Variants in PTPRN2 observed in about 807,000 individuals in gnomAD.
PTPRN2 encodes protein tyrosine phosphatase receptor type N2.
In PTPRN2, 74 loss-of-function variants were observed where a neutral mutation model predicts 118.8. The observed-to-expected ratio is 0.62, with a 90% CI of 0.52 to 0.76. The LOEUF (loss-of-function observed/expected upper bound fraction) is 0.76. Among genes scored for constraint, PTPRN2 ranks in the 30% least tolerant of loss-of-function variants. The pLI, the probability that PTPRN2 is intolerant of heterozygous loss-of-function variation, is 0.00. For missense variants in PTPRN2, 1,481 were observed against 1,394.4 expected, an observed-to-expected ratio of 1.06 and a Z score of -0.99; for synonymous variants, 641 against 608.0, an observed-to-expected ratio of 1.05 and a Z score of -0.80.
chr7:158,088,129 G>A (rs374125736), intron 10 of PTPRN2, among the ~76,000 whole-genome samples: 84 of 31,922 alleles, frequency 2.6e-3, no homozygotes, highest in South Asian at 6.7e-3. Flanking sequence ...CTGAGGAAAG[G>A]GGGAGTCTTC....
In PTPRN2 at chr7:158,570,451, G is replaced by T. The variant is rs1376439323; in HGVS notation, c.112+17107C>A. 3.3e-5 allele frequency among the ~76,000 whole-genome samples: 5 copies of T among 152,196 alleles called. No homozygotes were observed. Among genetic ancestry groups the T allele is most frequent in the African/African-American group, 7.2e-5 (3 of 41,452 alleles). The stretch of plus-strand genomic sequence containing the variant: ...CCCTCTCCCACCATCCATCCTCACA[G>T]ACGGACTCTGCACCGTGAGAAAGCG... On this transcript the variant is annotated intron_variant, in intron 1 of 22. Transcript: ENST00000389418. The surrounding 1 kb of genome is among the most constrained non-coding windows in gnomAD (Gnocchi z 4.5).
chr7:158,016,335 C>T (rs1041847828), intron 11 of PTPRN2, among the ~76,000 whole-genome samples: 5 of 152,172 alleles, frequency 3.3e-5, no homozygotes, highest in African/African-American at 1.2e-4. Flanking sequence ...CCCGCCGGGC[C>T]CACAGCACAG....
At chr7:158,085,524 T>C (rs1281978073) in intron 10 of PTPRN2, among the ~76,000 whole-genome samples, 2 of 91,076 alleles carry the variant, frequency 2.2e-5, no homozygotes, top group African/African-American at 4.7e-5. Context: ...TCCACACAGA[T>C]GCCCATCCAC....
At chr7:158,155,497 C>T (rs1021637292) in intron 6 of PTPRN2, among the ~76,000 whole-genome samples, 160 of 151,844 alleles carry the variant, frequency 1.1e-3, no homozygotes, top group Non-Finnish European at 2.0e-3. Context: ...TCACCATCAC[C>T]ATCATCACCA....
At chr7:158,253,214 A>T (rs938898885) in intron 3 of PTPRN2, among the ~76,000 whole-genome samples, 1 of 152,322 alleles carries the variant, frequency 6.6e-6, no homozygotes, top group African/African-American at 2.4e-5. Context: ...CTCATTTTCC[A>T]GGCGACTGAG....
intron 11 of PTPRN2, among the ~76,000 whole-genome samples, chr7:158,026,789 T>C (rs1807307789): frequency 1.3e-5 from 2 of 152,104 alleles, no homozygotes; most frequent in African/African-American, 4.8e-5. Context: ...GCCCTCCACG[T>C]ATACCGTGAC....
Position 158,541,831 on chromosome 7 carries a change from C to A in PTPRN2, c.112+45727G>T, listed in dbSNP as rs1216245664. ...CTGGGGAAGCTGAGAGACTGCAGAG[C>A]ACCACGCATGCGCATCACACCTGCT... On this transcript the variant is annotated intron_variant, in intron 1 of 22. Transcript: ENST00000389418. The A allele has an allele frequency of 1.4e-5, 10 of 736,544 alleles. No individual in the cohort carries two copies. In the Admixed American group the frequency reaches 6.3e-4, roughly 46 times the overall value. 45.6% of individuals were successfully genotyped at this position (736,544 alleles called of 1,614,324 possible).
At chr7:158,057,339 C>T (rs112172845) in intron 11 of PTPRN2, among the ~76,000 whole-genome samples, 13 of 152,306 alleles carry the variant, frequency 8.5e-5, no homozygotes, top group South Asian at 2.1e-4. Context: ...CTGCTAGAAT[C>T]GTCAAACTTG....
intron 10 of PTPRN2, among the ~76,000 whole-genome samples, chr7:158,109,405 C>T (rs1816003695): frequency 6.6e-6 from 1 of 150,572 alleles, no homozygotes; most frequent in East Asian, 2.0e-4. Context: ...GAGTGAATGA[C>T]ATCACCCCTG....
chr7:158,300,591 G>GCCCGCCACCCAGTCCCGCAGCGCCTCA (rs1800824159), intron 3 of PTPRN2, among the ~76,000 whole-genome samples: 6 of 152,220 alleles, frequency 3.9e-5, no homozygotes, highest in Non-Finnish European at 7.3e-5. Flanking sequence ...GCAGCGCCTC[G>GCCCGCCACCCAGTCCCGCAGCGCCTCA]CCCCCCACGT....
rs1054470739 is a variant in PTPRN2, at chr7:157,550,781, G to A, written c.2903-1762C>T. Among the ~76,000 whole-genome samples the A allele has an allele frequency of 6.6e-6, 1 of 152,228 alleles. No homozygotes were observed. Among genetic ancestry groups the A allele is most frequent in the African/African-American group, 2.4e-5 (1 of 41,456 alleles). ...CGGCAGCCCGTGAGCTCGGCCACCA[G>A]GGAACTAGCTGGCAGCTCACGCGGG... On this transcript the variant is annotated intron_variant, in intron 21 of 22. Transcript: ENST00000389418. This position sits in a 1 kb window ranked among gnomAD's most constrained non-coding sequence, Gnocchi z 5.2.
chr7:157,720,528 G>C (rs1405688670), intron 12 of PTPRN2, among the ~76,000 whole-genome samples: 1 of 152,232 alleles, frequency 6.6e-6, no homozygotes, highest in African/African-American at 2.4e-5. Context: ...CTGCTTCCCT[G>C]CGTAGGAGGC....
At chr7:158,224,051 C>G (rs986324111) in intron 3 of PTPRN2, among the ~76,000 whole-genome samples, 3 of 152,112 alleles carry the variant, frequency 2.0e-5, no homozygotes, top group African/African-American at 4.8e-5. Flanking sequence ...GTAAATTTAA[C>G]AAACCACGTA....
At chr7:158,276,924 C>T (rs1395973629) in intron 3 of PTPRN2, among the ~76,000 whole-genome samples, 6 of 152,122 alleles carry the variant, frequency 3.9e-5, no homozygotes, top group Admixed American at 3.9e-4. Flanking sequence ...TGTCTATCAG[C>T]TCTGGAGGGA....
chr7:158,163,560 G>T (rs529116032), intron 6 of PTPRN2, among the ~76,000 whole-genome samples: 4 of 150,334 alleles, frequency 2.7e-5, no homozygotes, highest in Non-Finnish European at 5.9e-5. Context: ...CATAGGTGAC[G>T]CCTGTACGGG....
intron 2 of PTPRN2, among the ~76,000 whole-genome samples, chr7:158,415,844 G>C (rs1347062346): frequency 6.6e-6 from 1 of 152,200 alleles, no homozygotes; most frequent in East Asian, 1.9e-4. Context: ...AGGGACTTCA[G>C]AGTAGTTCAT....
chr7:158,541,368 T>C, intron 1 of PTPRN2: 1 of 1,242,046 alleles, frequency 8.1e-7, no homozygotes, highest in Non-Finnish European at 1.1e-6. Context: ...CCTAACTTGT[T>C]GTTTTCTAAA....
chr7:158,038,575 T>G (rs1309042043), intron 11 of PTPRN2, among the ~76,000 whole-genome samples: 1 of 151,700 alleles, frequency 6.6e-6, no homozygotes, highest in Admixed American at 6.6e-5. Context: ...ACATATATAA[T>G]GCACTGACCA....
intron 11 of PTPRN2, among the ~76,000 whole-genome samples, chr7:157,984,182 T>C (rs1803534781): frequency 6.6e-6 from 1 of 151,986 alleles, no homozygotes; most frequent in Admixed American, 6.6e-5. Flanking sequence ...AACAATGACC[T>C]TGTGTAAACC....
Sources: allele counts gnomAD v4.1 joint callset (sites outside exome capture counted in the v4.1 genomes callset), GRCh38; gene constraint gnomAD v4.1.1; non-coding constraint Gnocchi (gnomAD v3.1); transcripts MANE v1.5; gene names NCBI Gene and HGNC (gene_info 2026-07-23, HGNC 2026-07-21).